Variants in CHODL observed in about 807,000 individuals in gnomAD.
CHODL encodes the protein transmembrane protein MT75.
CHODL carries 29 observed loss-of-function variants against 34.5 expected under a neutral mutation model. The observed-to-expected ratio is 0.84, with a 90% confidence interval of 0.63 to 1.15. CHODL has a LOEUF of 1.15. Ranked by LOEUF, CHODL falls within the 50% of genes most tolerant of loss-of-function variation. The pLI, the probability that CHODL is intolerant of heterozygous loss-of-function variation, is 0.00. For missense variants in CHODL, 332 were observed against 332.5 expected (o/e 1.00, Z 0.01); for synonymous variants, 125 against 116.1 (o/e 1.08, Z -0.49).
intron 2 of CHODL, among the ~76,000 whole-genome samples, chr21:18,221,058 G>A (rs1436296333): frequency 4.6e-5 from 7 of 152,094 alleles, no homozygotes; most frequent in Non-Finnish European, 1.0e-4. Flanking sequence ...GGTGTCCCAT[G>A]TGTCACATAG....
chr21:18,158,300 TTA>T (rs1470461577), intron 2 of CHODL, among the ~76,000 whole-genome samples: 1 of 152,196 alleles, frequency 6.6e-6, no homozygotes, highest in Admixed American at 6.5e-5. Context: ...AACTTCAGTT[TTA>T]TGAAGATGGC....
chr21:17,954,008 C>CA (rs993282737), intron 1 of CHODL, among the ~76,000 whole-genome samples: 1 of 147,722 alleles, frequency 6.8e-6, no homozygotes, highest in Non-Finnish European at 1.5e-5. Context: ...GACTCTGTCT[C>CA]AAAAAAAATT....
At chr21:17,996,104 A>G (rs1334711670) in intron 1 of CHODL, among the ~76,000 whole-genome samples, 1 of 151,342 alleles carries the variant, frequency 6.6e-6, no homozygotes, top group Non-Finnish European at 1.5e-5. Context: ...GGCTCATTTT[A>G]CCTATGGTCA....
At chr21:18,225,164 A>G (rs2073919898) in intron 2 of CHODL, among the ~76,000 whole-genome samples, 1 of 152,174 alleles carries the variant, frequency 6.6e-6, no homozygotes, top group Admixed American at 6.6e-5. Context: ...ATTATTTTAT[A>G]ACTTGTGTTA....
intron 2 of CHODL, among the ~76,000 whole-genome samples, chr21:18,199,699 G>A (rs1370337962): frequency 6.6e-6 from 1 of 152,080 alleles, no homozygotes; most frequent in African/African-American, 2.4e-5. Context: ...ATGTCATATA[G>A]TTGGAATCCT....
intron 2 of CHODL, among the ~76,000 whole-genome samples, chr21:18,068,501 G>A (rs1423106242): frequency 6.6e-6 from 1 of 152,058 alleles, no homozygotes; most frequent in African/African-American, 2.4e-5. Flanking sequence ...CCCGCCAAGA[G>A]TAAACTTCTT....
chr21:18,074,210 T>C (rs2064838242), intron 2 of CHODL, among the ~76,000 whole-genome samples: 1 of 152,166 alleles, frequency 6.6e-6, no homozygotes, highest in Non-Finnish European at 1.5e-5. Flanking sequence ...TGTCAGCCTT[T>C]ATGAAATTAT....
Position 18,244,873 on chromosome 21 carries a change from C to T in CHODL, c.-351C>T, listed in dbSNP as rs867185662. The T allele has an allele frequency of 4.3e-4, 105 of 246,752 alleles. No homozygotes were observed. In the Middle Eastern group the frequency reaches 7.9e-3, roughly 19 times the overall value. 15.3% of individuals were successfully genotyped at this position (246,752 alleles called of 1,614,324 possible). A position where few individuals can be genotyped will look rare whatever the true frequency, so the allele number is the denominator to read the frequency against. The stretch of plus-strand genomic sequence containing the variant: ...CAGGACCAGGGCGCACCGGCTCAGC[C>T]TCTCACTTGTCAGAGGCCGGGGAAG... On this transcript the variant is annotated 5_prime_UTR_variant, in exon 1 of 6. Coordinates refer to ENST00000299295, the MANE Select transcript of CHODL (RefSeq NM_024944.3).
intron 2 of CHODL, among the ~76,000 whole-genome samples, chr21:18,108,602 T>C (rs1024551169): frequency 3.3e-5 from 5 of 152,192 alleles, no homozygotes; most frequent in Admixed American, 6.5e-5. Context: ...GGAACACACC[T>C]GATACCTTGG....
chr21:18,206,695 G>A (rs995148853), intron 2 of CHODL, among the ~76,000 whole-genome samples: 1 of 149,672 alleles, frequency 6.7e-6, no homozygotes, highest in African/African-American at 2.5e-5. Context: ...CCATTTTGTT[G>A]TTTGTTTTCT....
intron 1 of CHODL, among the ~76,000 whole-genome samples, chr21:18,252,883 C>A (rs2074274479): frequency 6.6e-6 from 1 of 151,998 alleles, no homozygotes; most frequent in African/African-American, 2.4e-5. Context: ...CAAGCAGGAC[C>A]GGAGGACTGC....
At chr21:18,212,766 C>T (rs1250675900) in intron 2 of CHODL, among the ~76,000 whole-genome samples, 1 of 152,060 alleles carries the variant, frequency 6.6e-6, no homozygotes, top group African/African-American at 2.4e-5. Context: ...TTCTTTGATT[C>T]TTTCTTCATC....
chr21:18,029,975 G>C (rs748677872), intron 2 of CHODL, among the ~76,000 whole-genome samples: 40 of 152,030 alleles, frequency 2.6e-4, no homozygotes, highest in Non-Finnish European at 4.4e-4. Context: ...TTTCTGAGAG[G>C]CTTCTCTAGC....
intron 2 of CHODL, among the ~76,000 whole-genome samples, chr21:18,192,902 C>T (rs2073527661): frequency 6.6e-6 from 1 of 152,100 alleles, no homozygotes; most frequent in South Asian, 2.1e-4. Context: ...TTTCAAGAAT[C>T]ATAAAATAAG....
intron 1 of CHODL, among the ~76,000 whole-genome samples, chr21:18,248,705 A>AT (rs1247017107): frequency 8.2e-6 from 1 of 121,600 alleles, no homozygotes; most frequent in African/African-American, 3.4e-5. Flanking sequence ...ATATATATGT[A>AT]TATAATATAT....
At chr21:18,177,838 A>T (rs1293216303) in intron 2 of CHODL, among the ~76,000 whole-genome samples, 3 of 152,146 alleles carry the variant, frequency 2.0e-5, no homozygotes, top group Non-Finnish European at 4.4e-5. Context: ...ATCACTGGTA[A>T]ATTATTTATA....
chr21:18,183,697 A>G (rs534081170), intron 2 of CHODL, among the ~76,000 whole-genome samples: 254 of 152,322 alleles, frequency 1.7e-3, no homozygotes, highest in Non-Finnish European at 1.9e-3. Context: ...TCATAATTTT[A>G]TACACACTAA....
At chr21:18,108,837 T>TGTGTGTG (rs1568890511) in intron 2 of CHODL, among the ~76,000 whole-genome samples, 7 of 146,272 alleles carry the variant, frequency 4.8e-5, no homozygotes, top group Middle Eastern at 3.5e-3. Flanking sequence ...CTTTGCAATG[T>TGTGTGTG]TGTGTGTGTG....
chr21:17,952,220 TAAAC>T (rs1269619203), intron 1 of CHODL, among the ~76,000 whole-genome samples: 5 of 105,008 alleles, frequency 4.8e-5, no homozygotes, highest in Non-Finnish European at 7.9e-5. Flanking sequence ...AAAAAAGAAA[TAAAC>T]CTACAAATCC....
Sources: gnomAD v4.1 joint callset for allele counts (sites outside exome capture counted in the v4.1 genomes callset) on GRCh38, gnomAD v4.1.1 for gene constraint, MANE v1.5 for transcripts, NCBI Gene and HGNC (gene_info 2026-07-23, HGNC 2026-07-21) for gene names.